LINGO2: variants seen among roughly 807,000 people sequenced by gnomAD.
LINGO2 encodes leucine-rich repeat and immunoglobulin-like domain-containing nogo receptor-interacting protein 2.
In LINGO2, 14 loss-of-function variants were observed where a neutral mutation model predicts 30.6. The ratio of observed to expected loss-of-function variants is 0.46; its 90% CI spans 0.30 to 0.72. The LOEUF (loss-of-function observed/expected upper bound fraction) is 0.72. LINGO2 is among the 30% of genes least tolerant of loss of function. LINGO2 has a pLI of 0.07. For missense variants in LINGO2, 729 were observed against 751.7 expected (o/e 0.97, Z 0.35); for synonymous variants, 317 against 288.5 (o/e 1.10, Z -1.00).
chr9:28,170,741 C>T (rs1243060289), intron 4 of LINGO2, among the ~76,000 whole-genome samples: 1 of 152,172 alleles, frequency 6.6e-6, no homozygotes, highest in Non-Finnish European at 1.5e-5. Flanking sequence ...TTCCACGGCT[C>T]AGGGCCCAGC....
chr9:28,186,671 C>T (rs1155977), intron 4 of LINGO2, among the ~76,000 whole-genome samples: 111,525 of 151,756 alleles, frequency 0.73, 41,043 homozygotes, highest in Admixed American at 0.77. Context: ...AATGTGAAGA[C>T]TTCAATGAGT....
the LINGO2 span, among the ~76,000 whole-genome samples, chr9:29,198,059 G>A: frequency 6.6e-6 from 1 of 152,084 alleles, no homozygotes; most frequent in Non-Finnish European, 1.5e-5. Context: ...AAGAGGCTAT[G>A]ACTCTGCAGT....
chr9:29,144,275 G>GT, the LINGO2 span, among the ~76,000 whole-genome samples: 28,413 of 151,886 alleles, frequency 0.19, 2,787 homozygotes, highest in East Asian at 0.33. Context: ...TTTTAAAATA[G>GT]CTTTTTTAAA....
intron 2 of LINGO2, among the ~76,000 whole-genome samples, chr9:28,414,235 A>G (rs1483160966): frequency 3.9e-5 from 6 of 151,976 alleles, no homozygotes; most frequent in Non-Finnish European, 8.8e-5. Context: ...AATTTTTAGG[A>G]TTTTATTTCG....
intron 4 of LINGO2, among the ~76,000 whole-genome samples, chr9:28,277,837 C>CAAAAAAAAAAAAAAAAAA (rs765748438): frequency 9.3e-6 from 1 of 108,016 alleles, no homozygotes; most frequent in African/African-American, 3.5e-5. Context: ...CAAAACAAAA[C>CAAAAAAAAAAAAAAAAAA]AAAAAAAAAA....
the LINGO2 span, among the ~76,000 whole-genome samples, chr9:28,808,543 T>C: frequency 6.6e-6 from 1 of 152,194 alleles, no homozygotes; most frequent in Non-Finnish European, 1.5e-5. Context: ...AGTCCTTATA[T>C]TGTTTCTCAC....
the LINGO2 span, among the ~76,000 whole-genome samples, chr9:28,776,741 G>A: frequency 2.0e-5 from 3 of 152,002 alleles, no homozygotes; most frequent in East Asian, 3.9e-4. Context: ...AACACCACTG[G>A]TCAAGTAAAT....
the LINGO2 span, among the ~76,000 whole-genome samples, chr9:28,916,338 T>C: frequency 2.0e-5 from 3 of 152,178 alleles, no homozygotes; most frequent in African/African-American, 4.8e-5. Flanking sequence ...TCTAGGTCTT[T>C]TTCCTGATCC....
At chr9:28,057,779 T>C (rs1368552105) in intron 4 of LINGO2, among the ~76,000 whole-genome samples, 1 of 151,940 alleles carries the variant, frequency 6.6e-6, no homozygotes, top group African/African-American at 2.4e-5. Flanking sequence ...TCACAGCTTT[T>C]TGGTGACAAT....
intron 4 of LINGO2, among the ~76,000 whole-genome samples, chr9:28,162,310 T>C (rs922929794): frequency 3.3e-5 from 5 of 152,174 alleles, no homozygotes; most frequent in Non-Finnish European, 5.9e-5. Flanking sequence ...AGTTTGCTTA[T>C]TTACATAACT....
At chr9:29,189,555 T>TCAC in the LINGO2 span, among the ~76,000 whole-genome samples, 3 of 150,250 alleles carry the variant, frequency 2.0e-5, no homozygotes, top group Admixed American at 2.0e-4. Context: ...GAGACGCTCC[T>TCAC]CACTTCCTAG....
chr9:28,562,387 A>G (rs1823136971), intron 1 of LINGO2, among the ~76,000 whole-genome samples: 1 of 151,330 alleles, frequency 6.6e-6, no homozygotes, highest in African/African-American at 2.4e-5. Context: ...TCTCATGTAT[A>G]AAGTCAAAAT....
At chr9:28,551,727 G>A (rs1026014890) in intron 1 of LINGO2, among the ~76,000 whole-genome samples, 1 of 151,980 alleles carries the variant, frequency 6.6e-6, no homozygotes, top group Non-Finnish European at 1.5e-5. Flanking sequence ...TTATTTGGAT[G>A]GGGAAGGGAT....
the LINGO2 span, among the ~76,000 whole-genome samples, chr9:28,939,971 A>G: frequency 6.6e-6 from 1 of 152,180 alleles, no homozygotes; most frequent in Non-Finnish European, 1.5e-5. Flanking sequence ...TAATTTGTCA[A>G]TACTTACGAA....
intron 1 of LINGO2, among the ~76,000 whole-genome samples, chr9:28,592,867 T>A (rs1471885411): frequency 6.6e-6 from 1 of 152,070 alleles, no homozygotes; most frequent in East Asian, 1.9e-4. Flanking sequence ...GCAGATATCT[T>A]CTGTAGCCCT....
chr9:28,157,641 A>G (rs937060091), intron 4 of LINGO2, among the ~76,000 whole-genome samples: 27 of 152,160 alleles, frequency 1.8e-4, no homozygotes, highest in African/African-American at 6.5e-4. Context: ...AATTTTCTGA[A>G]CTTTTATGTT....
intron 2 of LINGO2, among the ~76,000 whole-genome samples, chr9:28,416,763 A>G (rs1040646183): frequency 6.6e-6 from 1 of 152,184 alleles, no homozygotes. Flanking sequence ...AGAGCTGCAG[A>G]GTATAAGAAG....
chr9:29,204,126 G>A, the LINGO2 span, among the ~76,000 whole-genome samples: 2 of 152,088 alleles, frequency 1.3e-5, no homozygotes, highest in African/African-American at 4.8e-5. Flanking sequence ...AATGACACAG[G>A]AAAAGTTAGT....
rs1242806115 is a variant in LINGO2 at position 28,111,299 on chromosome 9, C to A, written c.-86-98894G>T. Among the ~76,000 whole-genome samples the A allele has an allele frequency of 2.0e-5, 3 of 151,558 alleles. No individual in the cohort carries two copies. The East Asian group carries it at 5.8e-4, about 29-fold the overall frequency. On this transcript the variant is annotated intron_variant, in intron 4 of 5. Coordinates refer to ENST00000379992, the Ensembl canonical transcript of LINGO2. Reference sequence around the variant, plus strand: ...ATACCTAACACATGTGGGGCCTAAACTCTAGATAATGGATTGATAGGTGGA... The same window carrying A: ...ATACCTAACACATGTGGGGCCTAAAATCTAGATAATGGATTGATAGGTGGA...
Sources: allele counts gnomAD v4.1 joint callset (sites outside exome capture counted in the v4.1 genomes callset), GRCh38; gene constraint gnomAD v4.1.1; transcripts MANE v1.5; gene names NCBI Gene and HGNC (gene_info 2026-07-23, HGNC 2026-07-21).